EMCN: variants seen among roughly 807,000 people sequenced by gnomAD.
The protein encoded by EMCN is MUC-14.
A neutral mutation model predicts 38.4 loss-of-function variants in EMCN; 37 were observed. That is an observed-to-expected ratio of 0.96 (90% confidence interval 0.74 to 1.27). The LOEUF is 1.27. Among genes scored for constraint, EMCN ranks in the 50% most tolerant of loss-of-function variants. The pLI is 0.00. For synonymous variants in EMCN, 95 were observed against 100.8 expected (o/e 0.94, Z 0.35); for missense variants, 318 against 302.8 (o/e 1.05, Z -0.37).
At chr4:100,496,998 A>G (rs1200497208) in intron 1 of EMCN, among the ~76,000 whole-genome samples, 1 of 150,624 alleles carries the variant, frequency 6.6e-6, no homozygotes, top group African/African-American at 2.4e-5. Flanking sequence ...TTTTTTTCTC[A>G]TATTAGCATG....
intron 1 of EMCN, among the ~76,000 whole-genome samples, chr4:100,485,130 C>G (rs1728908067): frequency 6.6e-6 from 1 of 152,174 alleles, no homozygotes; most frequent in East Asian, 1.9e-4. Context: ...GTCAAATGCC[C>G]TATTATTAGG....
intron 2 of EMCN, among the ~76,000 whole-genome samples, chr4:100,477,261 T>TA (rs61342458): frequency 5.5e-4 from 83 of 152,142 alleles, no homozygotes; most frequent in African/African-American, 2.0e-3. Context: ...CTTTTTAACT[T>TA]AAAAAAATTA....
At chr4:100,462,765 G>A (rs759687332) in intron 4 of EMCN, among the ~76,000 whole-genome samples, 3 of 151,978 alleles carry the variant, frequency 2.0e-5, no homozygotes, top group Admixed American at 1.3e-4. Context: ...ATTCCTCTAC[G>A]GGGTGACTGT....
chr4:100,489,438 A>G (rs188573646), intron 1 of EMCN, among the ~76,000 whole-genome samples: 1 of 152,302 alleles, frequency 6.6e-6, no homozygotes, highest in African/African-American at 2.4e-5. Context: ...GTGTGGAGTC[A>G]TGTGACACAT....
chr4:100,432,702 C>A (rs551953075), intron 5 of EMCN, among the ~76,000 whole-genome samples: 1 of 152,250 alleles, frequency 6.6e-6, no homozygotes, highest in South Asian at 2.1e-4. Flanking sequence ...TTAAACACAG[C>A]TTTCTATCAC....
At chr4:100,480,267 A>T (rs1728771686) in intron 1 of EMCN, among the ~76,000 whole-genome samples, 1 of 152,076 alleles carries the variant, frequency 6.6e-6, no homozygotes, top group South Asian at 2.1e-4. Flanking sequence ...TTTCAGAGCA[A>T]TATAATTTCT....
At chr4:100,423,155 T>A in intron 6 of EMCN, 75 bp from the exon 7 acceptor site, 1 of 1,456,224 alleles carries the variant, frequency 6.9e-7, no homozygotes, top group Non-Finnish European at 9.6e-7. Flanking sequence ...CACCCTCATT[T>A]AAGGAAACAG....
chr4:100,497,843 T>A (rs556940733), intron 1 of EMCN, among the ~76,000 whole-genome samples: 22 of 152,138 alleles, frequency 1.4e-4, no homozygotes, highest in African/African-American at 5.3e-4. Flanking sequence ...AAAAGATACA[T>A]AAAAATTTAG....
intron 1 of EMCN, among the ~76,000 whole-genome samples, chr4:100,490,067 T>C (rs1011887762): frequency 6.6e-6 from 1 of 151,738 alleles, no homozygotes; most frequent in African/African-American, 2.4e-5. Flanking sequence ...GACCTTCCAG[T>C]GGGACAAGAT....
intron 4 of EMCN, among the ~76,000 whole-genome samples, chr4:100,457,777 G>T (rs1187902386): frequency 6.6e-6 from 1 of 152,058 alleles, no homozygotes. Flanking sequence ...TGTAGTTTTT[G>T]TGAATGATTT....
chr4:100,425,730 CCCAA>C (rs1272982659), intron 5 of EMCN, among the ~76,000 whole-genome samples: 2 of 151,894 alleles, frequency 1.3e-5, no homozygotes, highest in African/African-American at 2.4e-5. Context: ...AGTTGAACCT[CCCAA>C]CCAAGGTCAG....
chr4:100,415,832 A>G lies in EMCN; in HGVS notation c.751+66T>C. 4.4e-6 allele frequency: 5 copies of G among 1,126,540 alleles called. No homozygotes were observed. The South Asian group carries it at 7.3e-5, about 17-fold the overall frequency. 69.8% of individuals were successfully genotyped at this position (1,126,540 alleles called of 1,614,324 possible). ...TTTGTTTATGTTTCACATGAACAAA[A>G]TCCAAGGTTATAGTTAGATTCTAAA... On this transcript the variant is annotated intron_variant, in intron 10 of 11. Transcript: ENST00000296420.
chr4:100,433,799 G>T (rs1193666091), intron 5 of EMCN, among the ~76,000 whole-genome samples: 1 of 152,062 alleles, frequency 6.6e-6, no homozygotes, highest in Non-Finnish European at 1.5e-5. Flanking sequence ...GCCTCCCAAA[G>T]TGCTGGGATT....
chr4:100,426,869 A>G (rs537700302), intron 5 of EMCN, among the ~76,000 whole-genome samples: 15 of 152,240 alleles, frequency 9.9e-5, no homozygotes, highest in African/African-American at 3.6e-4. Context: ...TTCTCTCCTA[A>G]GAATTTGAGT....
chr4:100,411,884 G>A (rs773533459), intron 10 of EMCN, among the ~76,000 whole-genome samples: 1 of 151,998 alleles, frequency 6.6e-6, no homozygotes, highest in Non-Finnish European at 1.5e-5. Context: ...GACGGGCTGC[G>A]GACAGAAGAG....
chr4:100,451,134 A>C (rs1727826350), intron 4 of EMCN, among the ~76,000 whole-genome samples: 1 of 151,920 alleles, frequency 6.6e-6, no homozygotes, highest in African/African-American at 2.4e-5. Context: ...TTATTTATTT[A>C]CATAGTAGTG....
chr4:100,508,351 T>C (rs1578239678), intron 1 of EMCN, among the ~76,000 whole-genome samples: 1 of 152,138 alleles, frequency 6.6e-6, no homozygotes, highest in South Asian at 2.1e-4. Flanking sequence ...TATAAGAAAG[T>C]TGTTATATTG....
intron 9 of EMCN, 125 bp downstream of exon 9, chr4:100,416,992 A>T: frequency 1.1e-6 from 1 of 910,082 alleles, no homozygotes; most frequent in Non-Finnish European, 1.8e-6. Flanking sequence ...TCTGACAAAC[A>T]GTTAAAGCCA....
At chr4:100,480,722 A>C (rs899599518) in intron 1 of EMCN, among the ~76,000 whole-genome samples, 1 of 151,886 alleles carries the variant, frequency 6.6e-6, no homozygotes, top group Non-Finnish European at 1.5e-5. Context: ...AAATTTTAAC[A>C]TTAATTGGGC....
Sources: gnomAD v4.1 joint callset for allele counts (sites outside exome capture counted in the v4.1 genomes callset) on GRCh38, gnomAD v4.1.1 for gene constraint, MANE v1.5 for transcripts, NCBI Gene and HGNC (gene_info 2026-07-23, HGNC 2026-07-21) for gene names.